TTC7B: variants seen among roughly 807,000 people sequenced by gnomAD.
The protein encoded by TTC7B is tetratricopeptide repeat protein 7B.
TTC7B carries 28 observed loss-of-function variants against 106.8 expected under a neutral mutation model. The observed-to-expected ratio is 0.26, with a 90% CI of 0.19 to 0.36. TTC7B has a LOEUF of 0.36. Among genes scored for constraint, TTC7B ranks in the 10% least tolerant of loss-of-function variants. TTC7B has a pLI of 1.00. For synonymous variants in TTC7B, 405 were observed against 430.6 expected, an observed-to-expected ratio of 0.94 and a Z score of 0.74; for missense variants, 862 against 1,076.4, an observed-to-expected ratio of 0.80 and a Z score of 2.79.
rs528000617 is a variant in TTC7B at position 90,750,656 on chromosome 14, T to C, written c.446-5734A>G. Among the ~76,000 whole-genome samples the C allele has an allele frequency of 3.9e-5, 6 of 152,356 alleles. No homozygotes were observed. In the South Asian group the frequency reaches 8.3e-4, roughly 21 times the overall value. ...GGTTCATGTTCTAATTAGGCAGGTA[T>C]GTGGACACTCAAAGTCTCAGCTGGC... On this transcript the variant is annotated intron_variant, in intron 3 of 19. Transcript: ENST00000328459.
intron 19 of TTC7B, among the ~76,000 whole-genome samples, chr14:90,556,192 G>A (rs997014038): frequency 3.3e-5 from 5 of 152,192 alleles, no homozygotes; most frequent in Non-Finnish European, 5.9e-5. Flanking sequence ...CCGTGGGGGC[G>A]GAGAGGAGAC....
At chr14:90,662,429 C>T (rs1034152605) in intron 9 of TTC7B, among the ~76,000 whole-genome samples, 5 of 152,178 alleles carry the variant, frequency 3.3e-5, no homozygotes, top group East Asian at 1.9e-4. Context: ...AGTCCGGTTC[C>T]GTCACCTACA....
chr14:90,645,977 G>A (rs974061120), intron 14 of TTC7B, among the ~76,000 whole-genome samples: 5 of 152,198 alleles, frequency 3.3e-5, no homozygotes, highest in African/African-American at 1.2e-4. Context: ...GAGGAGGCGA[G>A]AGAAGCTGTC....
intron 3 of TTC7B, among the ~76,000 whole-genome samples, chr14:90,746,134 TGA>T (rs746450547): frequency 6.6e-6 from 1 of 152,248 alleles, no homozygotes; most frequent in Admixed American, 6.5e-5. Context: ...TTCGATTTTC[TGA>T]GAGTGTTTGT....
intron 13 of TTC7B, among the ~76,000 whole-genome samples, chr14:90,649,389 AG>A (rs1276661057): frequency 1.3e-5 from 2 of 152,208 alleles, no homozygotes; most frequent in African/African-American, 4.8e-5. Flanking sequence ...CAACTTCAGC[AG>A]CTAAGCTTCC....
chr14:90,780,713 CTG>C (rs1219014615), intron 3 of TTC7B, 23 bp downstream of exon 3: 3 of 1,605,282 alleles, frequency 1.9e-6, no homozygotes, highest in African/African-American at 2.7e-5. Flanking sequence ...TCACGGGACA[CTG>C]TGTTAGAAGG....
In TTC7B at chr14:90,528,509, G is replaced by A. The variant is rs112641712; in HGVS notation, c.*12859C>T. On this transcript the variant is annotated 3_prime_UTR_variant, in exon 20 of 20. Transcript: ENST00000328459. ...CGACGGTGTGACCCGAGTGCGCTTC[G>A]TTACCCGTTTCTGATGGCATGACCC... 0.04 allele frequency: 6,112 copies of A among 152,822 alleles called. 400 individuals carry two copies. The highest frequency in any genetic ancestry group is 0.14 in the African/African-American group (5,828 of 41,428). 9.5% of individuals were successfully genotyped at this position (152,822 alleles called of 1,614,324 possible).
At chr14:90,667,501 G>A (rs1886457805) in intron 9 of TTC7B, among the ~76,000 whole-genome samples, 1 of 152,116 alleles carries the variant, frequency 6.6e-6, no homozygotes, top group Non-Finnish European at 1.5e-5. Flanking sequence ...CCCAAATTAA[G>A]CAAAATGTTA....
At chr14:90,813,730 C>T (rs952945135) in intron 1 of TTC7B, among the ~76,000 whole-genome samples, 5 of 147,682 alleles carry the variant, frequency 3.4e-5, no homozygotes, top group East Asian at 2.0e-4. Flanking sequence ...GTGTGACAAA[C>T]GTGACATTCA....
At chr14:90,735,519 AAG>A (rs1482216607) in intron 4 of TTC7B, among the ~76,000 whole-genome samples, 1 of 151,732 alleles carries the variant, frequency 6.6e-6, no homozygotes. Flanking sequence ...AAAAAAAAAA[AAG>A]ATCCTATTCA....
intron 2 of TTC7B, 46 bp from the exon 3 acceptor site, chr14:90,780,952 G>T (rs773628665): frequency 1.8e-5 from 28 of 1,569,318 alleles, no homozygotes; most frequent in Non-Finnish European, 2.3e-5. Flanking sequence ...TACAATATCA[G>T]GCATGATGCT....
Position 90,763,141 on chromosome 14 carries a change from AT to A in TTC7B, c.445+17596del, listed in dbSNP as rs556080026. ...TATAGGTATTAAAATCCCCTACAAA[AT>A]ATTAGCATATGGAACCTAGCAATGC... On this transcript the variant is annotated intron_variant, in intron 3 of 19. Coordinates refer to ENST00000328459, the MANE Select transcript of TTC7B (RefSeq NM_001010854.2). 1.7e-3 allele frequency among the ~76,000 whole-genome samples: 263 copies of A among 152,338 alleles called. 3 individuals carry two copies. Among genetic ancestry groups the A allele is most frequent in the African/African-American group, 5.5e-3 (229 of 41,588 alleles).
intron 13 of TTC7B, among the ~76,000 whole-genome samples, chr14:90,650,745 A>G (rs1885681782): frequency 6.6e-6 from 1 of 152,224 alleles, no homozygotes; most frequent in African/African-American, 2.4e-5. Context: ...AGTCATATCA[A>G]TTCAGCATCT....
intron 7 of TTC7B, among the ~76,000 whole-genome samples, chr14:90,689,312 G>A (rs183878397): frequency 1.3e-5 from 2 of 152,266 alleles, no homozygotes; most frequent in East Asian, 1.9e-4. Flanking sequence ...TGGCACCCAA[G>A]CACTGAGATG....
rs1341425287 is a variant in TTC7B, at chr14:90,530,786, T to A, written c.*10582A>T. The stretch of plus-strand genomic sequence containing the variant: ...TGCCGTCACCTTGCCTTTTGCCCCA[T>A]GAGGCCCGTTTTAGACTTCTGACCC... On this transcript the variant is annotated 3_prime_UTR_variant, in exon 20 of 20. Coordinates refer to ENST00000328459, the MANE Select transcript of TTC7B (RefSeq NM_001010854.2). The A allele has an allele frequency of 1.3e-5, 2 of 152,214 alleles. No individual in the cohort carries two copies. The highest frequency in any genetic ancestry group is 4.8e-5 in the African/African-American group (2 of 41,450). The allele number at this position is 152,214 out of a possible 1,614,324, so 9.4% of individuals were successfully genotyped here. A position where few individuals can be genotyped will look rare whatever the true frequency, so the allele number is the denominator to read the frequency against.
chr14:90,665,679 C>A (rs535190968), intron 9 of TTC7B, among the ~76,000 whole-genome samples: 60 of 152,310 alleles, frequency 3.9e-4, no homozygotes, highest in African/African-American at 1.3e-3. Context: ...CTGAAGTCTA[C>A]GTCCAAAATT....
intron 9 of TTC7B, among the ~76,000 whole-genome samples, chr14:90,674,305 GT>G (rs1352670732): frequency 2.0e-5 from 3 of 152,232 alleles, no homozygotes; most frequent in African/African-American, 7.2e-5. Context: ...CCTATCTTCA[GT>G]AACTGAGCTA....
chr14:90,584,032 G>A (rs946940122), intron 18 of TTC7B, among the ~76,000 whole-genome samples: 8 of 152,096 alleles, frequency 5.3e-5, no homozygotes, highest in African/African-American at 9.6e-5. Flanking sequence ...TCCACCCTGC[G>A]TGTGCTCTGG....
At chr14:90,682,719 G>A (rs1377337108) in intron 7 of TTC7B, among the ~76,000 whole-genome samples, 1 of 152,160 alleles carries the variant, frequency 6.6e-6, no homozygotes, top group East Asian at 1.9e-4. Flanking sequence ...GAAGGTGGGG[G>A]ACGAAAGGGG....
Sources: allele counts gnomAD v4.1 joint callset (sites outside exome capture counted in the v4.1 genomes callset), GRCh38; gene constraint gnomAD v4.1.1; transcripts MANE v1.5; gene names NCBI Gene and HGNC (gene_info 2026-07-23, HGNC 2026-07-21).